SNX29: variants seen among roughly 807,000 people sequenced by gnomAD.
The protein encoded by SNX29 is sorting nexin-29.
SNX29 carries 78 observed loss-of-function variants against 102.1 expected under a neutral mutation model. That is an observed-to-expected ratio of 0.76 (90% CI 0.64 to 0.92). SNX29 has a LOEUF of 0.92. SNX29 is among the 40% of genes least tolerant of loss of function. The pLI is 0.00. For missense variants in SNX29, 1,280 were observed against 1,061.7 expected (o/e 1.21, Z -2.86); for synonymous variants, 580 against 414.5 (o/e 1.40, Z -4.85).
chr16:12,083,348 T>G (rs187810736), intron 11 of SNX29, among the ~76,000 whole-genome samples: 2 of 151,920 alleles, frequency 1.3e-5, no homozygotes, highest in East Asian at 1.9e-4. Context: ...CTTACAGTTC[T>G]GGAGGCTGAA....
At chr16:12,127,633 GC>G (rs2054276105) in intron 12 of SNX29, among the ~76,000 whole-genome samples, 1 of 152,060 alleles carries the variant, frequency 6.6e-6, no homozygotes, top group Non-Finnish European at 1.5e-5. Context: ...GGTTGCCTAG[GC>G]TGGTCTTGAA....
chr16:12,297,873 A>G (rs1033611627), intron 15 of SNX29, among the ~76,000 whole-genome samples: 5 of 152,268 alleles, frequency 3.3e-5, no homozygotes, highest in African/African-American at 1.2e-4. Flanking sequence ...AAGTGGAACA[A>G]TAATAGCACT....
At chr16:12,219,342 T>C (rs1285812733) in intron 14 of SNX29, among the ~76,000 whole-genome samples, 1 of 152,158 alleles carries the variant, frequency 6.6e-6, no homozygotes. Context: ...AAATACTCTT[T>C]TAAGCATACA....
At chr16:12,427,367 A>G (rs1217892538) in intron 18 of SNX29, among the ~76,000 whole-genome samples, 1 of 152,110 alleles carries the variant, frequency 6.6e-6, no homozygotes, top group Non-Finnish European at 1.5e-5. Flanking sequence ...ACCTGCGTGA[A>G]TTACCAGTTT....
Position 12,129,730 on chromosome 16 carries a change from C to T in SNX29, c.1567C>T (p.Gln523Ter), listed in dbSNP as rs1262911704. ...GAAGGTGGCTGAACAGGAGGAGCGG[C>T]AGGGCATGAAGGTCCAGGCGCTGGC... is the stretch of plus-strand genomic sequence containing the variant. ...KRKVAEQEER[Q>*]GMKVQALARE... The change falls in exon 13 of 21, where the codon CAG (glutamine) becomes TAG (stop). Residue 523 changes from glutamine (Q) to a stop codon, truncating the protein, a stop_gained. Coordinates refer to ENST00000566228, the MANE Select transcript of SNX29 (RefSeq NM_032167.5). LOFTEE classifies it high-confidence loss of function. 2 of 1,609,502 alleles carry T rather than the reference C, an allele frequency of 1.2e-6. No individual in the cohort carries two copies. The highest frequency in any genetic ancestry group is 1.7e-6 in the Non-Finnish European group (2 of 1,178,910).
chr16:12,143,748 T>G (rs1224752038), intron 13 of SNX29, among the ~76,000 whole-genome samples: 1 of 152,252 alleles, frequency 6.6e-6, no homozygotes, highest in Non-Finnish European at 1.5e-5. Flanking sequence ...GCAGTTAATC[T>G]AGCCTGCTGT....
chr16:12,543,246 A>G (rs1443633752), intron 20 of SNX29, among the ~76,000 whole-genome samples: 1 of 152,190 alleles, frequency 6.6e-6, no homozygotes. Flanking sequence ...AGAGATTCTG[A>G]ATGATGCAGC....
intron 13 of SNX29, among the ~76,000 whole-genome samples, chr16:12,149,073 C>G (rs2141571766): frequency 6.6e-6 from 1 of 152,266 alleles, no homozygotes; most frequent in Middle Eastern, 3.4e-3. Context: ...CATAATAGAG[C>G]TCAGTGGATG....
intron 4 of SNX29, among the ~76,000 whole-genome samples, chr16:12,040,782 A>G (rs1490937298): frequency 2.6e-5 from 4 of 152,250 alleles, no homozygotes; most frequent in East Asian, 1.9e-4. Context: ...TCAGGATACA[A>G]AATTACACAT....
At chr16:12,490,226 A>T (rs992702529) in intron 19 of SNX29, among the ~76,000 whole-genome samples, 8 of 152,182 alleles carry the variant, frequency 5.3e-5, no homozygotes, top group Non-Finnish European at 8.8e-5. Context: ...ATAGACCATT[A>T]TCAGATCTCC....
At chr16:12,161,543 G>A (rs1596390910) in intron 13 of SNX29, among the ~76,000 whole-genome samples, 1 of 152,160 alleles carries the variant, frequency 6.6e-6, no homozygotes, top group East Asian at 1.9e-4. Flanking sequence ...AGCGTAGGGT[G>A]GGCATCTGAT....
chr16:12,077,168 A>G (rs767497342), intron 10 of SNX29, among the ~76,000 whole-genome samples: 17 of 152,122 alleles, frequency 1.1e-4, no homozygotes, highest in Non-Finnish European at 1.8e-4. Context: ...AGTGTCAGCT[A>G]CTTGGGAGAC....
intron 18 of SNX29, among the ~76,000 whole-genome samples, chr16:12,441,339 C>T (rs1052400117): frequency 5.3e-5 from 8 of 152,090 alleles, no homozygotes; most frequent in Non-Finnish European, 8.8e-5. Context: ...CCACCCACCT[C>T]GGCCTCCCAA....
chr16:12,536,006 G>A (rs1020480890), intron 20 of SNX29, among the ~76,000 whole-genome samples: 2 of 152,164 alleles, frequency 1.3e-5, no homozygotes, highest in African/African-American at 2.4e-5. Flanking sequence ...TGTTCGACAC[G>A]CACTCGGAGC....
At chr16:12,069,153 T>A in intron 10 of SNX29, 21 bp downstream of exon 10, 2 of 1,595,928 alleles carry the variant, frequency 1.3e-6, no homozygotes, top group South Asian at 1.1e-5. Flanking sequence ...AGAAACCCAG[T>A]TGCCTGTGGC....
At chr16:12,058,967 AT>A (rs759397056) in intron 8 of SNX29, among the ~76,000 whole-genome samples, 5 of 150,936 alleles carry the variant, frequency 3.3e-5, no homozygotes. Flanking sequence ...TAATTTTTAA[AT>A]TTTTTGTAGA....
chr16:12,568,593 G>T lies in SNX29; in HGVS notation c.2406G>T (p.Glu802Asp). 1.2e-6 allele frequency: 2 copies of T among 1,606,074 alleles called. No homozygotes were observed. The highest frequency in any genetic ancestry group is 8.5e-7 in the Non-Finnish European group (1 of 1,179,792). ...FPKLSRGQPRETRNVEPQSGD... is the reference protein window; with the variant it reads ...FPKLSRGQPRDTRNVEPQSGD... ...AACTGTCCCGGGGTCAGCCCCGGGA[G>T]ACCCGCAACGTGGAGCCCCAGAGCG... The change falls in exon 21 of 21, where the codon GAG becomes GAT. Residue 802 changes from glutamate to aspartate, a missense_variant. Glu to Asp is a conservative substitution (Grantham distance 45, BLOSUM62 2). Transcript: ENST00000566228.
At chr16:12,526,656 C>T (rs1201281340) in intron 20 of SNX29, 2 of 522,724 alleles carry the variant, frequency 3.8e-6, no homozygotes, top group Non-Finnish European at 7.4e-6. Flanking sequence ...ATTAGCCTCT[C>T]GCGGAGTCAT....
At chr16:12,560,434 G>C (rs565614184) in intron 20 of SNX29, among the ~76,000 whole-genome samples, 1 of 152,228 alleles carries the variant, frequency 6.6e-6, no homozygotes, top group East Asian at 1.9e-4. Context: ...AGGCATCCAT[G>C]TCCCCAGCCC....
Sources: allele counts gnomAD v4.1 joint callset (sites outside exome capture counted in the v4.1 genomes callset), GRCh38; gene constraint gnomAD v4.1.1; transcripts MANE v1.5; gene names NCBI Gene and HGNC (gene_info 2026-07-23, HGNC 2026-07-21).